The following UNC13C variants were observed in gnomAD, a reference collection of about 807,000 sequenced individuals.
The protein encoded by UNC13C is unc-13 homolog C, also known as protein unc-13 homolog C.
UNC13C carries 174 observed loss-of-function variants against 245.4 expected under a neutral mutation model. The observed-to-expected ratio is 0.71, with a 90% CI of 0.63 to 0.80. The LOEUF (loss-of-function observed/expected upper bound fraction) is 0.80, where lower values mean the gene tolerates loss of function less well. Among genes scored for constraint, UNC13C ranks in the 30% least tolerant of loss-of-function variants. The pLI is 0.00. For synonymous variants in UNC13C, 992 were observed against 895.1 expected (o/e 1.11, Z -1.93); for missense variants, 2,829 against 2,602.9 (o/e 1.09, Z -1.89).
chr15:54,124,506 G>T (rs2030899469), intron 2 of UNC13C, among the ~76,000 whole-genome samples: 2 of 152,050 alleles, frequency 1.3e-5, no homozygotes. Context: ...AATTTTGAGA[G>T]AATTCTTTAC....
chr15:54,051,985 C>A (rs1418669579), intron 2 of UNC13C, among the ~76,000 whole-genome samples: 1 of 130,252 alleles, frequency 7.7e-6, no homozygotes, highest in Middle Eastern at 3.6e-3. Context: ...TTGTTCAATT[C>A]CCACCTATGA....
At chr15:54,512,395 T>A (rs1277297143) in intron 24 of UNC13C, 6 of 455,770 alleles carry the variant, frequency 1.3e-5, no homozygotes, top group Admixed American at 7.1e-5. Flanking sequence ...ATAGTAAGCA[T>A]CTTATCCCTT....
chr15:53,986,103 G>A (rs1894129358), intron 1 of UNC13C, among the ~76,000 whole-genome samples: 1 of 152,030 alleles, frequency 6.6e-6, no homozygotes, highest in Non-Finnish European at 1.5e-5. Flanking sequence ...GAAATTCTTA[G>A]AGCATCTATC....
At chr15:54,093,561 G>A (rs534444228) in intron 2 of UNC13C, among the ~76,000 whole-genome samples, 2 of 152,324 alleles carry the variant, frequency 1.3e-5, no homozygotes, top group East Asian at 1.9e-4. Context: ...GAATTTTTAT[G>A]TTAAAATGTT....
Position 54,609,604 on chromosome 15 carries a change from T to A in UNC13C, c.6107-12723T>A, listed in dbSNP as rs947510429. 2.0e-5 allele frequency among the ~76,000 whole-genome samples: 3 copies of A among 152,184 alleles called. No homozygotes were observed. The East Asian group carries it at 5.8e-4, about 29-fold the overall frequency. On this transcript the variant is annotated intron_variant, in intron 30 of 32. Coordinates refer to ENST00000260323, the MANE Select transcript of UNC13C (RefSeq NM_001080534.3). Reference sequence around the variant, plus strand: ...TTAAACAATTCAGATAATATGAGAGTGTATGATAGCAAAGCTAATACACTC... The same window carrying A: ...TTAAACAATTCAGATAATATGAGAGAGTATGATAGCAAAGCTAATACACTC...
At chr15:54,310,534 C>G (rs1390572189) in intron 13 of UNC13C, among the ~76,000 whole-genome samples, 3 of 151,814 alleles carry the variant, frequency 2.0e-5, no homozygotes, top group Non-Finnish European at 4.4e-5. Flanking sequence ...TATTTATATT[C>G]AGAAAGGCAT....
intron 2 of UNC13C, among the ~76,000 whole-genome samples, chr15:54,089,036 C>T (rs1899411911): frequency 6.6e-6 from 1 of 152,292 alleles, no homozygotes. Flanking sequence ...ACCACAGGCT[C>T]ATGCCCTGAA....
chr15:54,194,016 G>A (rs1465447430), intron 4 of UNC13C, among the ~76,000 whole-genome samples: 1 of 152,156 alleles, frequency 6.6e-6, no homozygotes, highest in Non-Finnish European at 1.5e-5. Context: ...AGTGAACCAA[G>A]GGAAGAGTAG....
intron 30 of UNC13C, among the ~76,000 whole-genome samples, chr15:54,594,306 T>C (rs1898951691): frequency 2.6e-5 from 4 of 152,120 alleles, no homozygotes; most frequent in Non-Finnish European, 4.4e-5. Flanking sequence ...GTTGACCTCC[T>C]GCCAGGAGGT....
At chr15:54,068,459 G>A (rs1328140873) in intron 2 of UNC13C, among the ~76,000 whole-genome samples, 2 of 152,114 alleles carry the variant, frequency 1.3e-5, no homozygotes, top group Non-Finnish European at 2.9e-5. Flanking sequence ...TTAATTTGGA[G>A]CACAGACACA....
chr15:54,578,934 A>C (rs1898080946), intron 30 of UNC13C, among the ~76,000 whole-genome samples: 1 of 152,194 alleles, frequency 6.6e-6, no homozygotes, highest in African/African-American at 2.4e-5. Flanking sequence ...ACCCAAGAGC[A>C]ATGGATGTCA....
chr15:54,563,180 G>C (rs1431728053), intron 29 of UNC13C, among the ~76,000 whole-genome samples: 1 of 151,836 alleles, frequency 6.6e-6, no homozygotes, highest in Non-Finnish European at 1.5e-5. Flanking sequence ...AGACTACCGG[G>C]ACCCTTCTAA....
intron 4 of UNC13C, among the ~76,000 whole-genome samples, chr15:54,190,337 A>G (rs2034141461): frequency 6.6e-6 from 1 of 152,170 alleles, no homozygotes; most frequent in Non-Finnish European, 1.5e-5. Context: ...CAAAAAGCAA[A>G]AAGACTACAT....
At chr15:54,265,242 G>T in intron 9 of UNC13C, 113 bp from the exon 10 acceptor site, 1 of 719,870 alleles carries the variant, frequency 1.4e-6, no homozygotes, top group Non-Finnish European at 2.0e-6. Flanking sequence ...GAAAGCAATG[G>T]GGATGCATCT....
At chr15:54,345,624 T>C (rs998208623) in intron 17 of UNC13C, among the ~76,000 whole-genome samples, 1 of 152,192 alleles carries the variant, frequency 6.6e-6, no homozygotes, top group African/African-American at 2.4e-5. Context: ...TATTTGGATA[T>C]TTATTTGTTA....
At chr15:54,037,056 C>T (rs1228925648) in intron 2 of UNC13C, among the ~76,000 whole-genome samples, 1 of 152,208 alleles carries the variant, frequency 6.6e-6, no homozygotes, top group African/African-American at 2.4e-5. Flanking sequence ...ACTGAAAGAC[C>T]TAGCATTAAG....
chr15:54,399,022 G>A (rs572100572), intron 18 of UNC13C, among the ~76,000 whole-genome samples: 7 of 151,656 alleles, frequency 4.6e-5, no homozygotes, highest in Admixed American at 1.3e-4. Flanking sequence ...CAGTAATCCA[G>A]TGAGAAGATA....
chr15:53,902,612 TAACTC>T, the UNC13C span, among the ~76,000 whole-genome samples: 71 of 152,278 alleles, frequency 4.7e-4, no homozygotes, highest in Admixed American at 1.1e-3. Context: ...CTTATTTAAT[TAACTC>T]ATATTAAACA....
At chr15:54,366,472 A>G (rs1327868679) in intron 17 of UNC13C, among the ~76,000 whole-genome samples, 1 of 152,196 alleles carries the variant, frequency 6.6e-6, no homozygotes, top group African/African-American at 2.4e-5. Flanking sequence ...TTATGTGCAT[A>G]TGAACACACA....
Sources: gnomAD v4.1 joint callset for allele counts (sites outside exome capture counted in the v4.1 genomes callset) on GRCh38, gnomAD v4.1.1 for gene constraint, MANE v1.5 for transcripts, NCBI Gene and HGNC (gene_info 2026-07-23, HGNC 2026-07-21) for gene names.